DIAPH2: variants seen among roughly 807,000 people sequenced by gnomAD.
DIAPH2 encodes the protein protein diaphanous homolog 2.
DIAPH2 carries 35 observed loss-of-function variants against 92.7 expected under a neutral mutation model. The observed-to-expected ratio is 0.38, with a 90% CI of 0.29 to 0.50. The LOEUF is 0.50. DIAPH2 is among the 20% of genes least tolerant of loss of function. DIAPH2 has a pLI of 0.94. For synonymous variants in DIAPH2, 301 were observed against 280.4 expected, an observed-to-expected ratio of 1.07 and a Z score of -0.73; for missense variants, 701 against 819.5, an observed-to-expected ratio of 0.86 and a Z score of 1.77.
intron 21 of DIAPH2, among the ~76,000 whole-genome samples, chrX:97,125,140 T>C (rs1284986504): frequency 9.0e-6 from 1 of 111,217 alleles, no homozygotes; most frequent in Non-Finnish European, 1.9e-5. Flanking sequence ...TTGAGTTAAA[T>C]GTTCCTTTGT....
At chrX:97,590,691 T>G (rs2071511250) in intron 26 of DIAPH2, among the ~76,000 whole-genome samples, 1 of 111,824 alleles carries the variant, frequency 8.9e-6, no homozygotes, top group African/African-American at 3.2e-5. Flanking sequence ...CTGCTTGAGC[T>G]CTCACCCTGC....
chrX:97,583,284 T>G (rs1355994385), intron 26 of DIAPH2, among the ~76,000 whole-genome samples: 1 of 110,571 alleles, frequency 9.0e-6, no homozygotes, highest in Non-Finnish European at 1.9e-5. Context: ...TCTGTTCTGT[T>G]TTTTCCCCAT....
At chrX:97,328,170 C>A (rs2068967637) in intron 23 of DIAPH2, among the ~76,000 whole-genome samples, 1 of 111,595 alleles carries the variant, frequency 9.0e-6, no homozygotes, top group South Asian at 3.8e-4. Context: ...CGGAGTGTCT[C>A]ATGCCTGTAA....
At chrX:97,034,176 T>A (rs1307522325) in intron 17 of DIAPH2, among the ~76,000 whole-genome samples, 1 of 109,953 alleles carries the variant, frequency 9.1e-6, no homozygotes, top group Non-Finnish European at 1.9e-5. Flanking sequence ...ACCAAAAGGA[T>A]CCAGATATTG....
intron 21 of DIAPH2, among the ~76,000 whole-genome samples, chrX:97,141,365 T>C (rs1477487172): frequency 9.0e-6 from 1 of 111,618 alleles, no homozygotes. Context: ...TGGGCTATTA[T>C]CAATACTTAA....
intron 26 of DIAPH2, among the ~76,000 whole-genome samples, chrX:97,538,921 A>G: frequency 8.9e-6 from 1 of 112,514 alleles, no homozygotes; most frequent in Non-Finnish European, 1.9e-5. Context: ...TCTGTATCTT[A>G]ATACTACTGA....
chrX:97,342,612 C>T (rs890070304), intron 23 of DIAPH2, among the ~76,000 whole-genome samples: 1 of 112,060 alleles, frequency 8.9e-6, no homozygotes, highest in Non-Finnish European at 1.9e-5. Context: ...ACTATTTCTT[C>T]TCTGTGCCAG....
chrX:97,100,919 A>G (rs1293636666), intron 20 of DIAPH2, among the ~76,000 whole-genome samples: 1 of 111,921 alleles, frequency 8.9e-6, no homozygotes, highest in African/African-American at 3.2e-5. Flanking sequence ...CTGCACTTAT[A>G]TAGAAGGATT....
At chrX:97,420,228 T>G (rs2069994308) in intron 25 of DIAPH2, among the ~76,000 whole-genome samples, 2 of 111,780 alleles carry the variant, frequency 1.8e-5, no homozygotes, top group Admixed American at 1.9e-4. Context: ...GCTGAAATGT[T>G]TCTTCACTGA....
intron 22 of DIAPH2, among the ~76,000 whole-genome samples, chrX:97,240,473 G>A (rs2147539271): frequency 9.1e-6 from 1 of 110,126 alleles, no homozygotes; most frequent in Non-Finnish European, 1.9e-5. Flanking sequence ...GGGCGTGGTG[G>A]CGGGCGCCTG....
intron 22 of DIAPH2, among the ~76,000 whole-genome samples, chrX:97,241,460 G>A (rs1203602802): frequency 9.0e-6 from 1 of 110,585 alleles, no homozygotes; most frequent in East Asian, 2.9e-4. Flanking sequence ...ACCGCGCCCT[G>A]CTAATTTTTT....
At chrX:97,197,655 A>G (rs1177491810) in intron 22 of DIAPH2, among the ~76,000 whole-genome samples, 1 of 112,146 alleles carries the variant, frequency 8.9e-6, no homozygotes, top group East Asian at 2.8e-4. Context: ...TGCCTTGCTT[A>G]CTATAGATGA....
intron 24 of DIAPH2, among the ~76,000 whole-genome samples, chrX:97,352,949 TG>T (rs1208847864): frequency 9.2e-6 from 1 of 108,548 alleles, no homozygotes; most frequent in Non-Finnish European, 1.9e-5. Context: ...TTGCATATTT[TG>T]TGGAAGAAAA....
intron 23 of DIAPH2, among the ~76,000 whole-genome samples, chrX:97,282,758 G>A (rs987784642): frequency 3.6e-5 from 4 of 112,004 alleles, no homozygotes; most frequent in African/African-American, 1.3e-4. Flanking sequence ...GAGGCATGAT[G>A]TAACTAAAAT....
chrX:97,140,590 T>G (rs966844046), intron 21 of DIAPH2, among the ~76,000 whole-genome samples: 2 of 112,027 alleles, frequency 1.8e-5, no homozygotes, highest in African/African-American at 6.5e-5. Context: ...GAGACTAATA[T>G]TTCTTCTAAG....
At chrX:97,529,267 G>A (rs760789878) in intron 26 of DIAPH2, among the ~76,000 whole-genome samples, 1 of 111,529 alleles carries the variant, frequency 9.0e-6, no homozygotes. Flanking sequence ...TTATATAGGT[G>A]TGATAGATTT....
chrX:97,040,190 T>C (rs1465167366), intron 17 of DIAPH2, among the ~76,000 whole-genome samples: 1 of 108,554 alleles, frequency 9.2e-6, no homozygotes, highest in Non-Finnish European at 1.9e-5. Flanking sequence ...TTTTTTTTTT[T>C]CTCCCAGATG....
chrX:97,570,745 A>AG (rs2071365088), intron 26 of DIAPH2, among the ~76,000 whole-genome samples: 5 of 111,522 alleles, frequency 4.5e-5, no homozygotes. Flanking sequence ...TTCTCCTAAG[A>AG]GAAAACCCTT....
chrX:97,352,287 T>C (rs2069223337), intron 24 of DIAPH2, among the ~76,000 whole-genome samples: 1 of 111,203 alleles, frequency 9.0e-6, no homozygotes, highest in Admixed American at 9.6e-5. Flanking sequence ...CCGATAGAGA[T>C]ATCCTCTAAA....
Sources: allele counts gnomAD v4.1 joint callset (sites outside exome capture counted in the v4.1 genomes callset), GRCh38; gene constraint gnomAD v4.1.1; transcripts MANE v1.5; gene names NCBI Gene and HGNC (gene_info 2026-07-23, HGNC 2026-07-21).